DISC1: variants seen among roughly 807,000 people sequenced by gnomAD.
DISC1 encodes the protein disrupted in schizophrenia 1 protein.
DISC1 carries 57 observed loss-of-function variants against 84.5 expected under a neutral mutation model. The observed-to-expected ratio is 0.67, with a 90% CI of 0.55 to 0.84. The LOEUF (loss-of-function observed/expected upper bound fraction) is 0.84. Among genes scored for constraint, DISC1 ranks in the 40% least tolerant of loss-of-function variants. The pLI, the probability that DISC1 is intolerant of heterozygous loss-of-function variation, is 0.00. For synonymous variants in DISC1, 411 were observed against 415.2 expected (o/e 0.99, Z 0.12); for missense variants, 1,000 against 1,057.8 (o/e 0.95, Z 0.76).
intron 9 of DISC1, among the ~76,000 whole-genome samples, chr1:231,904,562 A>C (rs893737863): frequency 6.6e-6 from 1 of 152,200 alleles, no homozygotes; most frequent in African/African-American, 2.4e-5. Flanking sequence ...AAATACACAG[A>C]TAGATACAGG....
At chr1:231,685,531 C>T (rs903226428) in intron 1 of DISC1, among the ~76,000 whole-genome samples, 3 of 152,092 alleles carry the variant, frequency 2.0e-5, no homozygotes, top group African/African-American at 4.8e-5. Flanking sequence ...TGGCTCACTG[C>T]AACCTCTGCC....
chr1:231,755,828 G>A (rs2075057916), intron 4 of DISC1, among the ~76,000 whole-genome samples: 1 of 152,124 alleles, frequency 6.6e-6, no homozygotes, highest in South Asian at 2.1e-4. Flanking sequence ...CCACTCACTT[G>A]TCTCACCTGC....
chr1:231,775,798 G>C (rs2076920895), intron 6 of DISC1, among the ~76,000 whole-genome samples: 1 of 152,146 alleles, frequency 6.6e-6, no homozygotes. Context: ...TTCCTTTGAT[G>C]TGAGGGTCTT....
At chr1:231,832,402 T>C (rs2082301817) in intron 9 of DISC1, among the ~76,000 whole-genome samples, 1 of 151,866 alleles carries the variant, frequency 6.6e-6, no homozygotes, top group Non-Finnish European at 1.5e-5. Context: ...TCACTAACCA[T>C]GCCTAGGAAG....
intron 4 of DISC1, among the ~76,000 whole-genome samples, chr1:231,765,195 C>CAAAAAAAAAAA (rs71179793): frequency 1.1e-5 from 1 of 93,302 alleles, no homozygotes; most frequent in Admixed American, 1.3e-4. Flanking sequence ...GTCCACCCTA[C>CAAAAAAAAAAA]AAAAAAAAAA....
At chr1:231,645,553 G>C (rs1308346154) in intron 1 of DISC1, among the ~76,000 whole-genome samples, 1 of 151,748 alleles carries the variant, frequency 6.6e-6, no homozygotes, top group Non-Finnish European at 1.5e-5. Context: ...AAGGTCTGGG[G>C]TACATGTGCA....
intron 9 of DISC1, among the ~76,000 whole-genome samples, chr1:231,858,907 A>G (rs986715027): frequency 2.0e-5 from 3 of 152,202 alleles, no homozygotes; most frequent in Non-Finnish European, 1.5e-5. Context: ...TGTGAAAGCT[A>G]TTGATTGGTC....
At chr1:231,705,081 G>A (rs2066895506) in intron 3 of DISC1, among the ~76,000 whole-genome samples, 1 of 151,474 alleles carries the variant, frequency 6.6e-6, no homozygotes, top group Non-Finnish European at 1.5e-5. Context: ...GAGGTCAGGA[G>A]TTTGAGACCA....
chr1:231,745,152 G>A (rs1373363935), intron 3 of DISC1, among the ~76,000 whole-genome samples: 3 of 151,980 alleles, frequency 2.0e-5, no homozygotes, highest in African/African-American at 4.8e-5. Flanking sequence ...GGTACATAGC[G>A]ATGCTTCAGT....
chr1:232,002,638 CAA>C (rs200018127), intron 10 of DISC1, among the ~76,000 whole-genome samples: 1,443 of 124,588 alleles, frequency 0.012, 17 homozygotes, highest in African/African-American at 0.048. Context: ...CACACACACA[CAA>C]AAGCCAATCC....
chr1:231,644,258 G>C (rs2059955813), intron 1 of DISC1, among the ~76,000 whole-genome samples: 1 of 152,164 alleles, frequency 6.6e-6, no homozygotes. Flanking sequence ...CACCTTGCTT[G>C]CTCACCACTG....
chr1:231,715,855 T>C (rs2068632566), intron 3 of DISC1, among the ~76,000 whole-genome samples: 1 of 152,200 alleles, frequency 6.6e-6, no homozygotes, highest in African/African-American at 2.4e-5. Context: ...CGTGAAATGT[T>C]TAGTAACTGT....
intron 3 of DISC1, among the ~76,000 whole-genome samples, chr1:231,710,512 G>A (rs1436422902): frequency 6.6e-6 from 1 of 152,220 alleles, no homozygotes; most frequent in African/African-American, 2.4e-5. Flanking sequence ...CAGGAAGGAT[G>A]TCTTAGTCTG....
At chr1:231,836,827 C>A (rs138389669) in intron 9 of DISC1, among the ~76,000 whole-genome samples, 1 of 152,298 alleles carries the variant, frequency 6.6e-6, no homozygotes, top group East Asian at 1.9e-4. Flanking sequence ...CCCCGCCCCT[C>A]CCCGTGTGAT....
At chr1:231,880,921 A>G (rs1489740552) in intron 9 of DISC1, among the ~76,000 whole-genome samples, 3 of 152,332 alleles carry the variant, frequency 2.0e-5, no homozygotes, top group East Asian at 3.9e-4. Context: ...AGGTGTTATC[A>G]ATAGAGCAGT....
chr1:231,991,437 T>G (rs1281742460), intron 10 of DISC1, among the ~76,000 whole-genome samples: 2 of 152,222 alleles, frequency 1.3e-5, no homozygotes, highest in African/African-American at 4.8e-5. Context: ...TAAAATTCCT[T>G]GGCTGCCCTT....
At position 231,851,391 on chromosome 1, in the gene DISC1, G is replaced by A. The variant is rs116604006; in HGVS notation, c.1981+32874G>A. Among the ~76,000 whole-genome samples the A allele has an allele frequency of 6.8e-3, 1,033 of 152,220 alleles. 6 individuals are homozygous for A. The highest frequency in any genetic ancestry group is 0.017 in the Middle Eastern group (5 of 294). On this transcript the variant is annotated intron_variant, in intron 9 of 12. Transcript: ENST00000439617. ...ACCTGTACCTACTGAGCATCCTCTCGCAGAGTTGGGGCGATAAATATTCTG... is the reference window on the plus strand; with the variant it reads ...ACCTGTACCTACTGAGCATCCTCTCACAGAGTTGGGGCGATAAATATTCTG...
At chr1:231,948,697 CT>C (rs1657733317) in intron 9 of DISC1, among the ~76,000 whole-genome samples, 1 of 151,810 alleles carries the variant, frequency 6.6e-6, no homozygotes, top group Non-Finnish European at 1.5e-5. Flanking sequence ...AGGGGCAAAT[CT>C]TTTGGCCATG....
chr1:231,741,741 G>C (rs150628863), intron 3 of DISC1, among the ~76,000 whole-genome samples: 1 of 152,170 alleles, frequency 6.6e-6, no homozygotes, highest in Non-Finnish European at 1.5e-5. Flanking sequence ...AATGACTCTG[G>C]CAATGGGAAC....
Sources: allele counts gnomAD v4.1 joint callset (sites outside exome capture counted in the v4.1 genomes callset), GRCh38; gene constraint gnomAD v4.1.1; transcripts MANE v1.5; gene names NCBI Gene and HGNC (gene_info 2026-07-23, HGNC 2026-07-21).